Variants in LRBA observed in about 807,000 individuals in gnomAD.
The protein encoded by LRBA is lipopolysaccharide-responsive and beige-like anchor protein.
Under a neutral mutation model 330.0 loss-of-function variants are expected in LRBA, and 176 were observed. That is an observed-to-expected ratio of 0.53 (90% CI 0.47 to 0.60). The LOEUF is 0.60. Among genes scored for constraint, LRBA ranks in the 20% least tolerant of loss-of-function variants. LRBA has a pLI of 0.00. For synonymous variants in LRBA, 1,230 were observed against 1,193.0 expected (o/e 1.03, Z -0.64); for missense variants, 3,259 against 3,444.8 (o/e 0.95, Z 1.35).
intron 44 of LRBA, among the ~76,000 whole-genome samples, chr4:150,450,778 T>C (rs1248856653): frequency 6.6e-6 from 1 of 152,188 alleles, no homozygotes; most frequent in Non-Finnish European, 1.5e-5. Context: ...CTTACACCTA[T>C]AATCCTAGCA....
At chr4:150,403,006 G>A (rs900309625) in intron 47 of LRBA, among the ~76,000 whole-genome samples, 3 of 152,026 alleles carry the variant, frequency 2.0e-5, no homozygotes, top group African/African-American at 4.8e-5. Flanking sequence ...AGAAATTTTC[G>A]TTTGAGATAC....
intron 42 of LRBA, among the ~76,000 whole-genome samples, chr4:150,481,991 C>T (rs888096262): frequency 6.6e-6 from 1 of 152,026 alleles, no homozygotes; most frequent in Non-Finnish European, 1.5e-5. Context: ...CCTATACATC[C>T]TCATTAACTT....
intron 48 of LRBA, among the ~76,000 whole-genome samples, chr4:150,327,398 CAA>C (rs1175433271): frequency 6.6e-6 from 1 of 152,132 alleles, no homozygotes; most frequent in Non-Finnish European, 1.5e-5. Flanking sequence ...CCAGCCTGGA[CAA>C]GAGTGCAGCC....
intron 37 of LRBA, among the ~76,000 whole-genome samples, chr4:150,639,807 GTGTGTGTGTGTGTATATATATATATATA>G (rs1778413992): frequency 0.016 from 239 of 14,856 alleles, 60 homozygotes; most frequent in East Asian, 0.037. Context: ...ATATATATAT[GTGTGTGTGTGTGTATATATATATATATA>G]TATATATATA....
At chr4:150,421,177 T>C (rs1422913944) in intron 46 of LRBA, among the ~76,000 whole-genome samples, 4 of 131,616 alleles carry the variant, frequency 3.0e-5, no homozygotes, top group Admixed American at 8.4e-5. Context: ...ATATAATACA[T>C]AGATAATATA....
chr4:150,806,021 A>C (rs78669211), intron 33 of LRBA, among the ~76,000 whole-genome samples: 1 of 6,298 alleles, frequency 1.6e-4, no homozygotes, highest in African/African-American at 4.7e-4. Context: ...TTAATGTATC[A>C]AAAAAAAAAA....
At chr4:150,964,666 C>T (rs942472223) in intron 2 of LRBA, among the ~76,000 whole-genome samples, 6 of 151,642 alleles carry the variant, frequency 4.0e-5, no homozygotes, top group African/African-American at 1.5e-4. Flanking sequence ...ATCTCAAGTA[C>T]CCAGGGACAC....
intron 44 of LRBA, among the ~76,000 whole-genome samples, chr4:150,450,250 T>C (rs1753181154): frequency 6.6e-6 from 1 of 152,212 alleles, no homozygotes; most frequent in African/African-American, 2.4e-5. Context: ...TTGAAGAGTG[T>C]ATGCACTGTA....
intron 40 of LRBA, among the ~76,000 whole-genome samples, chr4:150,524,763 C>T (rs189423448): frequency 3.9e-5 from 6 of 152,244 alleles, no homozygotes; most frequent in Admixed American, 2.0e-4. Context: ...TGCCTGTAAA[C>T]TAGCAATTAG....
chr4:150,797,564 A>C (rs1256492930), intron 34 of LRBA, among the ~76,000 whole-genome samples: 1 of 152,056 alleles, frequency 6.6e-6, no homozygotes, highest in Non-Finnish European at 1.5e-5. Flanking sequence ...CACCTAAAAT[A>C]ATTTTGCTCT....
intron 2 of LRBA, among the ~76,000 whole-genome samples, chr4:150,947,696 G>T (rs1421001638): frequency 6.6e-6 from 1 of 152,032 alleles, no homozygotes; most frequent in East Asian, 1.9e-4. Flanking sequence ...AATTCAGCAA[G>T]AAGAAATAAA....
chr4:150,351,206 T>C (rs937143757), intron 47 of LRBA, among the ~76,000 whole-genome samples: 11 of 152,224 alleles, frequency 7.2e-5, no homozygotes, highest in Non-Finnish European at 1.6e-4. Flanking sequence ...TTGGTGAATT[T>C]AATAACGTTA....
intron 40 of LRBA, among the ~76,000 whole-genome samples, chr4:150,553,552 C>A (rs913178837): frequency 6.6e-6 from 1 of 152,046 alleles, no homozygotes; most frequent in Non-Finnish European, 1.5e-5. Context: ...GGTTGGGAAC[C>A]CTTGCCTTAG....
At chr4:150,922,749 C>A (rs1473191356) in intron 4 of LRBA, among the ~76,000 whole-genome samples, 1 of 151,908 alleles carries the variant, frequency 6.6e-6, no homozygotes, top group Admixed American at 6.6e-5. Flanking sequence ...ACTACCTGTA[C>A]CCCAATAACT....
chr4:150,941,878 C>CAA (rs34618331), intron 2 of LRBA, among the ~76,000 whole-genome samples: 20 of 110,412 alleles, frequency 1.8e-4, no homozygotes, highest in African/African-American at 5.6e-4. Context: ...GACTCTGTCT[C>CAA]AAAAAAAAAA....
chr4:150,477,657 T>G (rs1311763385), intron 42 of LRBA, among the ~76,000 whole-genome samples: 1 of 152,000 alleles, frequency 6.6e-6, no homozygotes, highest in Non-Finnish European at 1.5e-5. Context: ...AGGTGGGGCC[T>G]GGTGGGAGGT....
chr4:150,963,396 G>A (rs868028830), intron 2 of LRBA, among the ~76,000 whole-genome samples: 16 of 149,626 alleles, frequency 1.1e-4, no homozygotes, highest in Middle Eastern at 3.4e-3. Context: ...CCTGTTGGCC[G>A]GGCTGGTCTC....
intron 38 of LRBA, among the ~76,000 whole-genome samples, chr4:150,594,958 C>CT (rs1773324146): frequency 6.6e-6 from 1 of 151,964 alleles, no homozygotes; most frequent in African/African-American, 2.4e-5. Flanking sequence ...AGCAAGTGAA[C>CT]TGGAATCATC....
chr4:150,376,199 A>C (rs1741296453), intron 47 of LRBA, among the ~76,000 whole-genome samples: 1 of 152,188 alleles, frequency 6.6e-6, no homozygotes. Flanking sequence ...TTTTAAAGAA[A>C]GGCTAGAAAT....
Sources: gnomAD v4.1 joint callset for allele counts (sites outside exome capture counted in the v4.1 genomes callset) on GRCh38, gnomAD v4.1.1 for gene constraint, MANE v1.5 for transcripts, NCBI Gene and HGNC (gene_info 2026-07-23, HGNC 2026-07-21) for gene names.